EIF2AK4: variants seen among roughly 807,000 people sequenced by gnomAD.
EIF2AK4 encodes eukaryotic translation initiation factor 2 alpha kinase 4, also known as eIF-2-alpha kinase GCN2.
Under a neutral mutation model 211.1 loss-of-function variants are expected in EIF2AK4, and 139 were observed. That is an observed-to-expected ratio of 0.66 (90% CI 0.57 to 0.76). EIF2AK4 has a LOEUF of 0.76. EIF2AK4 is among the 30% of genes least tolerant of loss of function. The probability of loss-of-function intolerance (pLI) is 0.00; values close to 1 mark genes in which losing one functional copy is unlikely to be tolerated. For missense variants in EIF2AK4, 1,664 were observed against 2,043.8 expected, an observed-to-expected ratio of 0.81 and a Z score of 3.58; for synonymous variants, 710 against 751.3, an observed-to-expected ratio of 0.94 and a Z score of 0.90.
intron 3 of EIF2AK4, 93 bp from the exon 4 acceptor site, chr15:39,949,023 G>T: frequency 6.8e-7 from 1 of 1,477,286 alleles, no homozygotes; most frequent in South Asian, 1.3e-5. Context: ...GTGGGCCTCT[G>T]ACCGCCAGTT....
intron 4 of EIF2AK4, chr15:39,951,541 G>T: frequency 2.9e-6 from 1 of 345,170 alleles, no homozygotes; most frequent in East Asian, 1.0e-4. Context: ...GCACAGATCT[G>T]TTTTAAAATC....
At chr15:40,032,367 A>G (rs968666946) in intron 36 of EIF2AK4, 130 bp downstream of exon 36, 1 of 724,680 alleles carries the variant, frequency 1.4e-6, no homozygotes, top group Non-Finnish European at 2.4e-6. Flanking sequence ...GATGTGAACT[A>G]CACGCAATTT....
intron 4 of EIF2AK4, among the ~76,000 whole-genome samples, chr15:39,951,164 C>T (rs778866884): frequency 1.3e-5 from 2 of 151,998 alleles, no homozygotes; most frequent in Non-Finnish European, 2.9e-5. Context: ...AATTTCCCAT[C>T]ATAGTGGATT....
chr15:39,967,696 A>G lies in EIF2AK4; in HGVS notation c.1370A>G (p.Asp457Gly). The G allele has an allele frequency of 6.2e-7, 1 of 1,614,176 alleles. No homozygotes were observed. The highest frequency in any genetic ancestry group is 8.5e-7 in the Non-Finnish European group (1 of 1,180,028). ...SKRLADICKE[D>G]VFEQTRVRFS... is the part of the protein sequence containing the mutation. Reference sequence around the variant, plus strand: ...CGCCTCGCAGACATTTGCAAGGAGGATGTGTTTGAGCAAACCCGAGTTCGT... The same window carrying G: ...CGCCTCGCAGACATTTGCAAGGAGGGTGTGTTTGAGCAAACCCGAGTTCGT... The change falls in exon 9 of 39, where the codon GAT (aspartate) becomes GGT (glycine). Residue 457 changes from aspartate (D) to glycine (G), a missense_variant. This residue lies in a region of EIF2AK4 where 641 missense variants were observed against 729.6 expected (regional missense o/e 0.88). Transcript: ENST00000263791.
chr15:40,027,628 C>T (rs1040193250), intron 33 of EIF2AK4, among the ~76,000 whole-genome samples: 5 of 152,086 alleles, frequency 3.3e-5, no homozygotes, highest in African/African-American at 7.2e-5. Flanking sequence ...TGGTGGCTCA[C>T]GCCTGTAATC....
chr15:39,955,537 TATACTGA>T (rs1284793235), intron 5 of EIF2AK4, 76 bp from the exon 6 acceptor site: 1 of 1,397,524 alleles, frequency 7.2e-7, no homozygotes, highest in African/African-American at 1.5e-5. Flanking sequence ...ATTTGCATTC[TATACTGA>T]ATTAATAATT....
Position 40,002,387 on chromosome 15 carries a change from C to T in EIF2AK4, c.3160-326C>T, listed in dbSNP as rs553132901. The T allele has an allele frequency of 5.1e-5, 12 of 234,552 alleles. No homozygotes were observed. The South Asian group carries it at 7.9e-4, about 15-fold the overall frequency. 14.5% of individuals were successfully genotyped at this position (234,552 alleles called of 1,614,324 possible). ...GCCTGATGCTGTTAGGTGGTCATCG[C>T]GCCACAGTATCCCTGAGAGTCAGAG... is the stretch of plus-strand genomic sequence containing the variant. On this transcript the variant is annotated intron_variant, in intron 21 of 38. Coordinates refer to ENST00000263791, the MANE Select transcript of EIF2AK4 (RefSeq NM_001013703.4).
intron 25 of EIF2AK4, 75 bp from the exon 26 acceptor site, chr15:40,009,538 TG>T (rs1298562757): frequency 2.4e-6 from 2 of 819,154 alleles, no homozygotes; most frequent in African/African-American, 3.5e-5. Flanking sequence ...GACAAATTGG[TG>T]GTAAGTTTCC....
Position 40,009,674 on chromosome 15 carries a change from T to A in EIF2AK4, c.3637T>A (p.Cys1213Ser). The A allele has an allele frequency of 1.2e-6, 2 of 1,610,816 alleles. No homozygotes were observed. Among genetic ancestry groups the A allele is most frequent in the Non-Finnish European group, 1.7e-6 (2 of 1,178,638 alleles). ...GTTATTGAAAGCAATACTCTTACAC[T>A]GTGGGATCCCAGAAGATAAACTCAG... ...TMLLKAILLHCGIPEDKLSQV... is the reference protein window; with the variant it reads ...TMLLKAILLHSGIPEDKLSQV... The change falls in exon 26 of 39, where the codon TGT becomes AGT. Residue 1213 changes from cysteine to serine, a missense_variant. By Grantham distance (112) the Cys-to-Ser change is moderately radical. Transcript: ENST00000263791.
At chr15:39,990,209 T>G in intron 15 of EIF2AK4, 64 bp from the exon 16 acceptor site, 1 of 1,511,146 alleles carries the variant, frequency 6.6e-7, no homozygotes, top group Non-Finnish European at 9.1e-7. Context: ...CCTTTTAAAT[T>G]AGGAAGTAGG....
intron 29 of EIF2AK4, among the ~76,000 whole-genome samples, chr15:40,018,429 C>T (rs544256724): frequency 5.3e-5 from 8 of 149,538 alleles, no homozygotes; most frequent in African/African-American, 2.0e-4. Context: ...AGGATTTTTT[C>T]AGGCATTCTT....
intron 32 of EIF2AK4, among the ~76,000 whole-genome samples, chr15:40,025,412 C>T (rs1333232160): frequency 6.6e-6 from 1 of 152,082 alleles, no homozygotes; most frequent in African/African-American, 2.4e-5. Context: ...AAACCGAGGA[C>T]AGTGATAGCA....
intron 27 of EIF2AK4, among the ~76,000 whole-genome samples, chr15:40,013,125 TA>T (rs906361409): frequency 9.2e-5 from 14 of 152,170 alleles, no homozygotes; most frequent in Admixed American, 7.9e-4. Context: ...TTTATTTTCT[TA>T]AAAAAATATT....
intron 4 of EIF2AK4, 84 bp from the exon 5 acceptor site, chr15:39,953,820 T>C: frequency 7.3e-7 from 1 of 1,367,142 alleles, no homozygotes; most frequent in Non-Finnish European, 1.0e-6. Flanking sequence ...TATTGAAAGT[T>C]AAAAGATTTT....
Position 40,026,089 on chromosome 15 carries a change from G to A in EIF2AK4, c.4502G>A (p.Arg1501Lys), listed in dbSNP as rs750138192. The A allele has an allele frequency of 3.7e-6, 6 of 1,613,194 alleles. No individual in the cohort carries two copies. The highest frequency in any genetic ancestry group is 2.2e-5 in the South Asian group (2 of 91,012). The change falls in exon 33 of 39, where the codon AGA becomes AAA. Residue 1501 changes from arginine to lysine, a missense_variant and splice_region_variant. By Grantham distance (26) the Arg-to-Lys change is conservative. Coordinates refer to ENST00000263791, the MANE Select transcript of EIF2AK4 (RefSeq NM_001013703.4). The stretch of plus-strand genomic sequence containing the variant: ...AAAGTCACTGATGAAAGGAATGGCA[G>A]GTAACTTAGGAAACAAAAGCCGAGA... The part of the protein sequence containing the change: ...RTKVTDERNG[R>K]EASDNLAVQN...
intron 33 of EIF2AK4, among the ~76,000 whole-genome samples, chr15:40,028,767 A>G (rs1373728061): frequency 6.6e-6 from 1 of 152,264 alleles, no homozygotes; most frequent in Non-Finnish European, 1.5e-5. Flanking sequence ...GGTTTAGAAG[A>G]GAAACCAAGA....
Position 39,943,382 on chromosome 15 carries a change from G to C in EIF2AK4, c.258-1G>C. The C allele has an allele frequency of 5.2e-6, 6 of 1,160,874 alleles. No homozygotes were observed. The highest frequency in any genetic ancestry group is 6.9e-6 in the Non-Finnish European group (6 of 863,864). The allele number at this position is 1,160,874 out of a possible 1,614,324, so 71.9% of individuals were successfully genotyped here. Reference sequence around the variant, plus strand: ...TTTTTTTTTTTTTTTGCCTTTTCCAGAGTTCCTGAAATAGAGTTAAAAAAT... The same window carrying C: ...TTTTTTTTTTTTTTTGCCTTTTCCACAGTTCCTGAAATAGAGTTAAAAAAT... On this transcript the variant is annotated splice_acceptor_variant, in intron 2 of 38. Coordinates refer to ENST00000263791, the MANE Select transcript of EIF2AK4 (RefSeq NM_001013703.4). LOFTEE classifies it high-confidence loss of function.
chr15:40,007,042 A>T lies in EIF2AK4; in HGVS notation c.3384A>T (p.Arg1128Ser). 1 of 1,597,668 alleles carries T rather than the reference A, an allele frequency of 6.3e-7. No homozygotes were observed. Among genetic ancestry groups the T allele is most frequent in the South Asian group, 1.1e-5 (1 of 90,190 alleles). Residue 1128 changes from arginine (R) to serine (S), a missense_variant, in exon 24 of 39, where the codon AGA becomes AGT. By Grantham distance (110) the Arg-to-Ser change is moderately radical. Transcript: ENST00000263791. The part of the protein sequence containing the change: ...LRIPFARYVA[R>S]NNILNLKRYC... ...TCCCTTTTGCAAGATATGTGGCAAG[A>T]AATAATATATTGAATTTAAAACGGT...
rs747299608 is a variant in EIF2AK4, at chr15:40,017,169, T to C, written c.3992T>C (p.Phe1331Ser). 8 of 1,614,046 alleles carry C rather than the reference T, an allele frequency of 5.0e-6. No individual in the cohort carries two copies. Among genetic ancestry groups the C allele is most frequent in the Non-Finnish European group, 5.9e-6 (7 of 1,179,930 alleles). ...VQQHNGIIFQ[F>S]VAFIKRRQRA... is the part of the protein sequence containing the mutation. ...CAGCACAATGGAATCATCTTCCAGT[T>C]TGTGGCTTTCATCAAACGAAGGCAA... Residue 1331 changes from phenylalanine (F) to serine (S), a missense_variant, in exon 29 of 39, where the codon TTT becomes TCT. Coordinates refer to ENST00000263791, the MANE Select transcript of EIF2AK4 (RefSeq NM_001013703.4).
Sources: gnomAD v4.1 joint callset for allele counts (sites outside exome capture counted in the v4.1 genomes callset) on GRCh38, gnomAD v4.1.1 for gene constraint, gnomAD v4.1.1 regional missense constraint, MANE v1.5 for transcripts, NCBI Gene and HGNC (gene_info 2026-07-23, HGNC 2026-07-21) for gene names.